Variants in APBB2 observed in about 807,000 individuals in gnomAD.
APBB2 encodes amyloid beta precursor protein binding family B member 2, also known as Fe65-like 1.
Under a neutral mutation model 82.5 loss-of-function variants are expected in APBB2, and 38 were observed. The ratio of observed to expected loss-of-function variants is 0.46; its 90% CI spans 0.36 to 0.60. The LOEUF (loss-of-function observed/expected upper bound fraction) is 0.60, where lower values mean the gene tolerates loss of function less well. Ranked by LOEUF, APBB2 falls within the 20% of genes least tolerant of loss-of-function variation. The pLI, the probability that APBB2 is intolerant of heterozygous loss-of-function variation, is 0.00. For synonymous variants in APBB2, 341 were observed against 368.2 expected (o/e 0.93, Z 0.85); for missense variants, 772 against 972.3 (o/e 0.79, Z 2.74).
chr4:41,197,184 T>A, intron 1 of APBB2, among the ~76,000 whole-genome samples: 1 of 152,160 alleles, frequency 6.6e-6, no homozygotes, highest in Admixed American at 6.5e-5. Context: ...ATTTTAATAT[T>A]TTTTTCTCCT....
intron 4 of APBB2, among the ~76,000 whole-genome samples, chr4:41,043,121 A>T (rs1382960472): frequency 1.3e-5 from 2 of 152,222 alleles, no homozygotes; most frequent in African/African-American, 4.8e-5. Flanking sequence ...CTAACTGTTC[A>T]TTCACAGCAC....
chr4:41,126,887 C>G (rs1754566640), intron 2 of APBB2, among the ~76,000 whole-genome samples: 1 of 152,070 alleles, frequency 6.6e-6, no homozygotes, highest in South Asian at 2.1e-4. Context: ...TTTATCTTAC[C>G]TCTTTAAGAT....
At chr4:40,881,467 G>T in intron 12 of APBB2, 1 of 760,338 alleles carries the variant, frequency 1.3e-6, no homozygotes, top group Non-Finnish European at 1.6e-6. Flanking sequence ...TTTCAGATTA[G>T]CTCAAAAACA....
At chr4:40,906,464 C>CAAAAAAAAAAAAAAAAAAAAAAAAAAAAA (rs5857755) in intron 10 of APBB2, among the ~76,000 whole-genome samples, 1 of 67,990 alleles carries the variant, frequency 1.5e-5, no homozygotes, top group Non-Finnish European at 2.6e-5. Flanking sequence ...AAACCTGTCT[C>CAAAAAAAAAAAAAAAAAAAAAAAAAAAAA]AAAAAAAAAA....
chr4:40,998,286 A>G (rs1804204211), intron 6 of APBB2, among the ~76,000 whole-genome samples: 1 of 152,240 alleles, frequency 6.6e-6, no homozygotes, highest in Admixed American at 6.5e-5. Flanking sequence ...GAAGATCTTC[A>G]TAACTCACTG....
At chr4:40,882,826 T>A (rs781357895) in intron 12 of APBB2, among the ~76,000 whole-genome samples, 41 of 152,322 alleles carry the variant, frequency 2.7e-4, no homozygotes, top group Admixed American at 1.2e-3. Flanking sequence ...GTTTTCACAC[T>A]GCGTCGGAAC....
At chr4:41,027,840 T>G (rs1203596412) in intron 5 of APBB2, among the ~76,000 whole-genome samples, 1 of 152,254 alleles carries the variant, frequency 6.6e-6, no homozygotes, top group South Asian at 2.1e-4. Flanking sequence ...CTTGGATTCC[T>G]GGCAGGTGGA....
intron 2 of APBB2, among the ~76,000 whole-genome samples, chr4:41,120,297 T>A (rs1752416592): frequency 6.6e-6 from 1 of 152,162 alleles, no homozygotes; most frequent in African/African-American, 2.4e-5. Context: ...AGCAGAATTA[T>A]ATAAACCGAC....
chr4:40,902,084 G>A (rs938008361), intron 10 of APBB2, among the ~76,000 whole-genome samples: 2 of 152,200 alleles, frequency 1.3e-5, no homozygotes, highest in African/African-American at 4.8e-5. Context: ...ATAAGGTTTT[G>A]TTCAACTTCT....
chr4:40,844,428 G>A (rs1488344999), intron 12 of APBB2, among the ~76,000 whole-genome samples: 2 of 152,212 alleles, frequency 1.3e-5, no homozygotes, highest in South Asian at 2.1e-4. Flanking sequence ...AACCTGCAAC[G>A]TTAACAGCTA....
intron 2 of APBB2, among the ~76,000 whole-genome samples, chr4:41,101,385 A>AC (rs1359497071): frequency 7.0e-6 from 1 of 142,208 alleles, no homozygotes; most frequent in African/African-American, 2.6e-5. Context: ...AATGGCGTGA[A>AC]CCCGGGAAGC....
At chr4:41,145,345 G>T (rs2154023618) in intron 1 of APBB2, among the ~76,000 whole-genome samples, 1 of 152,242 alleles carries the variant, frequency 6.6e-6, no homozygotes, top group South Asian at 2.1e-4. Context: ...CACACAGCCA[G>T]CAAAGCAGGA....
In APBB2 at chr4:40,813,995, C is replaced by T. The variant is rs1179306870; in HGVS notation, c.*2097G>A. 1.3e-5 allele frequency: 2 copies of T among 152,198 alleles called. No homozygotes were observed. Among genetic ancestry groups the T allele is most frequent in the African/African-American group, 4.8e-5 (2 of 41,440 alleles). The allele number at this position is 152,198 out of a possible 1,614,324, so 9.4% of individuals were successfully genotyped here. Reference sequence around the variant, plus strand: ...CTAAAGTAGCATAGTTTTGTCATAACATTGGGGTGCTAAGACAATTCCGGT... The same window carrying T: ...CTAAAGTAGCATAGTTTTGTCATAATATTGGGGTGCTAAGACAATTCCGGT... On this transcript the variant is annotated 3_prime_UTR_variant, in exon 18 of 18. Transcript: ENST00000508593.
intron 1 of APBB2, among the ~76,000 whole-genome samples, chr4:41,195,191 C>T: frequency 2.0e-5 from 3 of 152,128 alleles, no homozygotes; most frequent in Admixed American, 6.5e-5. Context: ...GCTCTAAACT[C>T]GTAAGTCCAA....
intron 8 of APBB2, 69 bp from the exon 9 acceptor site, chr4:40,934,768 G>A: frequency 1.8e-6 from 2 of 1,130,194 alleles, no homozygotes; most frequent in South Asian, 2.6e-5. Flanking sequence ...AAATATCAAA[G>A]GGGAGAAACG....
At chr4:41,196,751 C>T in intron 1 of APBB2, among the ~76,000 whole-genome samples, 1 of 152,068 alleles carries the variant, frequency 6.6e-6, no homozygotes, top group Non-Finnish European at 1.5e-5. Flanking sequence ...GCACATTTTC[C>T]TTTCATGATC....
rs576040133 is a variant in APBB2 at position 41,202,877 on chromosome 4, G to A, written c.-417+11528C>T. Among the ~76,000 whole-genome samples the A allele has an allele frequency of 3.0e-4, 46 of 152,276 alleles. 1 individual carries two copies. The highest frequency in any genetic ancestry group is 1.0e-3 in the African/African-American group (42 of 41,556). On this transcript the variant is annotated intron_variant, in intron 1 of 17. Transcript: ENST00000508593. Reference sequence around the variant, plus strand: ...CTGGGGCTGCAGAATGTAGGCAAACGTTCAAACCTTCACAAATGTTCGTAT... The same window carrying A: ...CTGGGGCTGCAGAATGTAGGCAAACATTCAAACCTTCACAAATGTTCGTAT...
At chr4:40,945,097 G>A in intron 6 of APBB2, 24 bp from the exon 7 acceptor site, 2 of 1,263,706 alleles carry the variant, frequency 1.6e-6, no homozygotes, top group Non-Finnish European at 2.2e-6. Flanking sequence ...GGGCGGGGCG[G>A]GGGGAGAAAG....
At chr4:41,071,004 A>G (rs1733682117) in intron 3 of APBB2, among the ~76,000 whole-genome samples, 1 of 152,246 alleles carries the variant, frequency 6.6e-6, no homozygotes. Flanking sequence ...CTACAAAGTC[A>G]TTAATCCTCA....
Sources: allele counts gnomAD v4.1 joint callset (sites outside exome capture counted in the v4.1 genomes callset), GRCh38; gene constraint gnomAD v4.1.1; transcripts MANE v1.5; gene names NCBI Gene and HGNC (gene_info 2026-07-23, HGNC 2026-07-21).